ADAMTSL1: variants seen among roughly 807,000 people sequenced by gnomAD.
ADAMTSL1 encodes the protein ADAMTS-like protein 1.
Under a neutral mutation model 201.8 loss-of-function variants are expected in ADAMTSL1, and 126 were observed. The observed-to-expected ratio is 0.62, with a 90% CI of 0.54 to 0.72. The LOEUF is 0.72. ADAMTSL1 is among the 30% of genes least tolerant of loss of function. ADAMTSL1 has a pLI of 0.00. For synonymous variants in ADAMTSL1, 1,121 were observed against 903.4 expected (o/e 1.24, Z -4.32); for missense variants, 2,679 against 2,277.8 (o/e 1.18, Z -3.59).
intron 1 of ADAMTSL1, among the ~76,000 whole-genome samples, chr9:18,480,723 C>T (rs1285788169): frequency 6.6e-6 from 1 of 152,174 alleles, no homozygotes; most frequent in African/African-American, 2.4e-5. Context: ...AGAGAACTAA[C>T]AAGATGCCAC....
chr9:18,826,226 T>C, intron 21 of ADAMTSL1, 58 bp from the exon 22 acceptor site: 1 of 1,550,346 alleles, frequency 6.5e-7, no homozygotes, highest in Non-Finnish European at 8.7e-7. Context: ...GCCTCTGGGC[T>C]CACCTGAATG....
At chr9:18,623,967 G>A (rs1408406241) in intron 5 of ADAMTSL1, among the ~76,000 whole-genome samples, 7 of 152,172 alleles carry the variant, frequency 4.6e-5, no homozygotes, top group Non-Finnish European at 1.0e-4. Context: ...ATAGGTCAAG[G>A]AAGAAAGGCA....
At chr9:18,499,576 C>T (rs939036883) in intron 1 of ADAMTSL1, among the ~76,000 whole-genome samples, 9 of 152,334 alleles carry the variant, frequency 5.9e-5, no homozygotes, top group Admixed American at 3.9e-4. Context: ...AAATGGTTCT[C>T]TCATCACTGG....
At chr9:18,791,744 C>G (rs1399028503) in intron 19 of ADAMTSL1, among the ~76,000 whole-genome samples, 5 of 148,540 alleles carry the variant, frequency 3.4e-5, no homozygotes, top group Non-Finnish European at 5.9e-5. Context: ...TACAGTTTCT[C>G]TATCTATGTA....
At chr9:18,614,140 G>A (rs142569199) in intron 4 of ADAMTSL1, among the ~76,000 whole-genome samples, 375 of 152,250 alleles carry the variant, frequency 2.5e-3, no homozygotes, top group African/African-American at 6.9e-3. Flanking sequence ...CAGAGAGGTC[G>A]TTCACATAGA....
At chr9:18,290,222 C>G (rs145844870) in intron 2 of ADAMTSL1, among the ~76,000 whole-genome samples, 115 of 152,202 alleles carry the variant, frequency 7.6e-4, no homozygotes, top group African/African-American at 2.3e-3. Flanking sequence ...CATCACCATT[C>G]CCATTAAGTC....
intron 2 of ADAMTSL1, among the ~76,000 whole-genome samples, chr9:18,226,317 C>T (rs1288124656): frequency 3.3e-5 from 5 of 152,142 alleles, no homozygotes; most frequent in Non-Finnish European, 7.4e-5. Flanking sequence ...CAGCCTCTCT[C>T]TCTTGGTCTT....
At chr9:18,169,150 T>C (rs1334024062) in intron 2 of ADAMTSL1, among the ~76,000 whole-genome samples, 1 of 150,588 alleles carries the variant, frequency 6.6e-6, no homozygotes, top group South Asian at 2.1e-4. Context: ...TTTGTCAATT[T>C]TGGCTTTTGT....
chr9:18,030,020 C>T (rs1158530568), intron 1 of ADAMTSL1, among the ~76,000 whole-genome samples: 3 of 152,042 alleles, frequency 2.0e-5, no homozygotes, highest in Non-Finnish European at 4.4e-5. Context: ...CTAGAAATAC[C>T]ATTTGACCCA....
intron 14 of ADAMTSL1, chr9:18,718,638 C>T (rs911079663): frequency 4.8e-5 from 17 of 357,306 alleles, no homozygotes; most frequent in Non-Finnish European, 9.4e-5. Context: ...CTGCCGCTGC[C>T]GCCGCCGCTC....
intron 2 of ADAMTSL1, among the ~76,000 whole-genome samples, chr9:18,376,064 C>T (rs1563921407): frequency 6.6e-6 from 1 of 152,158 alleles, no homozygotes. Context: ...AAGTCCCCAC[C>T]CGACCCAGAA....
At chr9:18,271,257 G>A (rs1371076270) in intron 2 of ADAMTSL1, among the ~76,000 whole-genome samples, 1 of 152,094 alleles carries the variant, frequency 6.6e-6, no homozygotes, top group African/African-American at 2.4e-5. Flanking sequence ...ATGTATACAT[G>A]TGCCATGTTG....
At chr9:18,463,833 T>A (rs746213860) in intron 2 of ADAMTSL1, among the ~76,000 whole-genome samples, 2 of 152,240 alleles carry the variant, frequency 1.3e-5, no homozygotes, top group Non-Finnish European at 2.9e-5. Context: ...CGTACAAATA[T>A]CTGTTTGAAT....
intron 14 of ADAMTSL1, among the ~76,000 whole-genome samples, chr9:18,715,336 T>A (rs201775056): frequency 6.6e-5 from 10 of 151,878 alleles, no homozygotes; most frequent in Middle Eastern, 3.4e-3. Context: ...TATCTAGAAA[T>A]CCCCATTGTC....
chr9:18,144,554 G>C (rs1364632040), intron 1 of ADAMTSL1, among the ~76,000 whole-genome samples: 1 of 151,960 alleles, frequency 6.6e-6, no homozygotes, highest in Non-Finnish European at 1.5e-5. Flanking sequence ...ATGTAAAATT[G>C]GCTATTTAAA....
At chr9:18,284,329 C>G (rs960714514) in intron 2 of ADAMTSL1, among the ~76,000 whole-genome samples, 1 of 152,064 alleles carries the variant, frequency 6.6e-6, no homozygotes, top group Non-Finnish European at 1.5e-5. Context: ...CTTTCTATTC[C>G]AGACTTTGTC....
chr9:18,840,929 A>T (rs1825675452), intron 23 of ADAMTSL1, among the ~76,000 whole-genome samples: 2 of 147,476 alleles, frequency 1.4e-5, no homozygotes, highest in Non-Finnish European at 3.0e-5. Context: ...GCTTAAGGAG[A>T]TTTTGGGCTG....
chr9:18,770,673 C>A lies in ADAMTSL1; in HGVS notation c.2289C>A (p.Ser763Arg), dbSNP rs200845012. ...GCAAGCAGCGCATGGCTGATGGCAGCTTCCTGGAGCTTCCTGAGACCTTCT... is the reference window on the plus strand; with the variant it reads ...GCAAGCAGCGCATGGCTGATGGCAGATTCCTGGAGCTTCCTGAGACCTTCT... ...VLCKQRMADG[S>R]FLELPETFCS... is the part of the protein sequence containing the mutation. The change falls in exon 17 of 29, where the codon AGC becomes AGA. Residue 763 changes from serine (S) to arginine (R), a missense_variant. Ser to Arg is a moderately radical substitution (Grantham distance 110). Transcript: ENST00000380548. 1.9e-4 allele frequency: 299 copies of A among 1,613,626 alleles called. 1 individual carries two copies. The African/African-American group carries it at 3.4e-3, about 18-fold the overall frequency.
chr9:18,008,290 T>A (rs1563946269), intron 1 of ADAMTSL1, among the ~76,000 whole-genome samples: 1 of 151,998 alleles, frequency 6.6e-6, no homozygotes, highest in Non-Finnish European at 1.5e-5. Flanking sequence ...TCCTTTCCAA[T>A]GTGTTCTCTG....
Sources: allele counts gnomAD v4.1 joint callset (sites outside exome capture counted in the v4.1 genomes callset), GRCh38; gene constraint gnomAD v4.1.1; transcripts MANE v1.5; gene names NCBI Gene and HGNC (gene_info 2026-07-23, HGNC 2026-07-21).